The following PCDHA9 variants were observed in gnomAD, a reference collection of about 807,000 sequenced individuals.
PCDHA9 encodes the protein protocadherin alpha 9, also known as protocadherin alpha-9.
In PCDHA9, 62 loss-of-function variants were observed where a neutral mutation model predicts 62.0. The observed-to-expected ratio is 1.00, with a 90% CI of 0.81 to 1.23. The LOEUF (loss-of-function observed/expected upper bound fraction) is 1.23. Among genes scored for constraint, PCDHA9 ranks in the 50% most tolerant of loss-of-function variants. The pLI is 0.00. For missense variants in PCDHA9, 1,205 were observed against 1,249.8 expected, an observed-to-expected ratio of 0.96 and a Z score of 0.54; for synonymous variants, 557 against 567.6, an observed-to-expected ratio of 0.98 and a Z score of 0.27.
At chr5:140,926,320 C>T (rs555057115) in intron 1 of PCDHA9, 1 of 152,240 alleles carries the variant, frequency 6.6e-6, no homozygotes, top group Non-Finnish European at 1.5e-5. Context: ...AGAGGTGCGC[C>T]GGGGTCAGAG....
chr5:140,928,645 G>A (rs782494285), intron 1 of PCDHA9: 4 of 1,614,084 alleles, frequency 2.5e-6, no homozygotes, highest in Non-Finnish European at 2.5e-6. Context: ...AAAAGTGGTA[G>A]CAGAGGATGC....
At chr5:140,852,896 T>G (rs1554146161) in intron 1 of PCDHA9, 1 of 852,356 alleles carries the variant, frequency 1.2e-6, no homozygotes, top group African/African-American at 1.8e-5. Flanking sequence ...TTTTTTTTTT[T>G]GAGTCAGAGT....
At chr5:140,937,402 CACA>C (rs1329840101) in intron 1 of PCDHA9, among the ~76,000 whole-genome samples, 1 of 152,034 alleles carries the variant, frequency 6.6e-6, no homozygotes, top group African/African-American at 2.4e-5. Flanking sequence ...AGGGGTATTG[CACA>C]ACTTTTATTA....
chr5:140,972,290 C>T (rs1331683497), intron 1 of PCDHA9, among the ~76,000 whole-genome samples: 1 of 151,820 alleles, frequency 6.6e-6, no homozygotes, highest in African/African-American at 2.4e-5. Flanking sequence ...TAGATGTGCG[C>T]CACCGTGTCT....
chr5:140,979,122 T>C (rs1271679977), intron 2 of PCDHA9, 115 bp downstream of exon 2: 2 of 1,493,778 alleles, frequency 1.3e-6, no homozygotes, highest in African/African-American at 2.8e-5. Flanking sequence ...TTAGGTACTT[T>C]GCCAGGAAAA....
intron 1 of PCDHA9, chr5:140,860,578 G>T (rs1420299092): frequency 1.3e-5 from 2 of 152,134 alleles, no homozygotes; most frequent in Non-Finnish European, 2.9e-5. Flanking sequence ...ACACAAGAAG[G>T]TATAGGAAAG....
At chr5:140,957,641 T>G (rs1554223056) in intron 1 of PCDHA9, among the ~76,000 whole-genome samples, 1 of 152,110 alleles carries the variant, frequency 6.6e-6, no homozygotes, top group African/African-American at 2.4e-5. Flanking sequence ...AGAAATGCAC[T>G]TAAATATTCA....
chr5:140,967,898 G>A (rs751530394), intron 1 of PCDHA9: 9 of 1,614,046 alleles, frequency 5.6e-6, no homozygotes, highest in Non-Finnish European at 7.6e-6. Context: ...GCCTGAGAAT[G>A]CTACACCCAA....
At chr5:140,871,306 AAGCCCAC>A in intron 1 of PCDHA9, 1 of 1,613,964 alleles carries the variant, frequency 6.2e-7, no homozygotes, top group East Asian at 2.2e-5. Flanking sequence ...CGCGCCGGGG[AAGCCCAC>A]GCTGGTGTGC....
At chr5:140,926,986 C>T (rs782199565) in intron 1 of PCDHA9, 1 of 1,610,712 alleles carries the variant, frequency 6.2e-7, no homozygotes, top group Non-Finnish European at 8.5e-7. Flanking sequence ...GGAGACGGAG[C>T]GGGGCGTAGC....
At chr5:140,976,888 A>C (rs1050816491) in intron 1 of PCDHA9, among the ~76,000 whole-genome samples, 1 of 152,218 alleles carries the variant, frequency 6.6e-6, no homozygotes, top group Non-Finnish European at 1.5e-5. Context: ...ATTAGGATAC[A>C]TGCAACAGTA....
At chr5:140,928,691 T>C (rs1554206164) in intron 1 of PCDHA9, 1 of 1,614,148 alleles carries the variant, frequency 6.2e-7, no homozygotes, top group East Asian at 2.2e-5. Context: ...TCCTACCACA[T>C]CTCCCGGGCG....
chr5:141,005,463 G>A (rs2098214977), intron 3 of PCDHA9, among the ~76,000 whole-genome samples: 1 of 151,944 alleles, frequency 6.6e-6, no homozygotes. Context: ...CAGCACTTTG[G>A]GAGGCCGAGA....
At chr5:140,974,105 A>G (rs1173287678) in intron 1 of PCDHA9, among the ~76,000 whole-genome samples, 1 of 152,246 alleles carries the variant, frequency 6.6e-6, no homozygotes, top group African/African-American at 2.4e-5. Context: ...GGTTAAAAGT[A>G]TTCTTTTGCA....
intron 1 of PCDHA9, among the ~76,000 whole-genome samples, chr5:140,970,958 C>T (rs1554232904): frequency 6.6e-6 from 1 of 152,106 alleles, no homozygotes; most frequent in Non-Finnish European, 1.5e-5. Context: ...CCATGGGAGG[C>T]AGATTGTAGA....
intron 1 of PCDHA9, among the ~76,000 whole-genome samples, chr5:140,934,108 T>C (rs574657499): frequency 6.6e-6 from 1 of 152,276 alleles, no homozygotes; most frequent in East Asian, 1.9e-4. Flanking sequence ...TCTATTTTAT[T>C]AATTTTCATA....
intron 1 of PCDHA9, among the ~76,000 whole-genome samples, chr5:140,970,867 G>A (rs1207924606): frequency 6.6e-6 from 1 of 152,124 alleles, no homozygotes; most frequent in Non-Finnish European, 1.5e-5. Flanking sequence ...ATTCCTGATT[G>A]AGAGTAGATT....
intron 1 of PCDHA9, among the ~76,000 whole-genome samples, chr5:140,914,944 CT>C (rs35695909): frequency 0.29 from 37,051 of 128,010 alleles, 4,894 homozygotes; most frequent in East Asian, 0.5. Flanking sequence ...GAAAAGTTGT[CT>C]TTTTTTTTTT....
intron 1 of PCDHA9, among the ~76,000 whole-genome samples, chr5:140,888,278 C>G (rs1204327118): frequency 2.0e-5 from 3 of 151,932 alleles, no homozygotes; most frequent in African/African-American, 7.3e-5. Flanking sequence ...CAGTTTTGTC[C>G]CCTCTACCCC....
Sources: gnomAD v4.1 joint callset for allele counts (sites outside exome capture counted in the v4.1 genomes callset) on GRCh38, gnomAD v4.1.1 for gene constraint, MANE v1.5 for transcripts, NCBI Gene and HGNC (gene_info 2026-07-23, HGNC 2026-07-21) for gene names.